The following CCDC175 variants were observed in gnomAD, a reference collection of about 807,000 sequenced individuals.
The protein encoded by CCDC175 is coiled-coil domain containing 175.
In CCDC175, 100 loss-of-function variants were observed where a neutral mutation model predicts 114.6. The ratio of observed to expected loss-of-function variants is 0.87; its 90% CI spans 0.74 to 1.03. The LOEUF (loss-of-function observed/expected upper bound fraction) is 1.03, where lower values mean the gene tolerates loss of function less well. Among genes scored for constraint, CCDC175 ranks in the 50% least tolerant of loss-of-function variants. The pLI is 0.00. For synonymous variants in CCDC175, 306 were observed against 308.7 expected, an observed-to-expected ratio of 0.99 and a Z score of 0.09; for missense variants, 880 against 917.8, an observed-to-expected ratio of 0.96 and a Z score of 0.53.
intron 10 of CCDC175, among the ~76,000 whole-genome samples, chr14:59,541,069 C>A (rs889702620): frequency 6.6e-6 from 1 of 151,946 alleles, no homozygotes; most frequent in African/African-American, 2.4e-5. Context: ...TGCAATCTTA[C>A]CAAGGAAAGG....
In CCDC175 at chr14:59,505,102, C is replaced by A; in HGVS notation, c.*137G>T. ...TTGTTTAGAAGTTTATTTACTGATA[C>A]TTGGTGGAGGTTGTGTGAATTAGTT... On this transcript the variant is annotated 3_prime_UTR_variant, in exon 20 of 20. Transcript: ENST00000537690. 2.2e-6 allele frequency: 1 copy of A among 445,406 alleles called. No homozygotes were observed. Among genetic ancestry groups the A allele is most frequent in the Non-Finnish European group, 4.0e-6 (1 of 249,806 alleles). 27.6% of individuals were successfully genotyped at this position (445,406 alleles called of 1,614,324 possible). A position where few individuals can be genotyped will look rare whatever the true frequency, so the allele number is the denominator to read the frequency against.
chr14:59,566,907 A>C (rs934608986), intron 4 of CCDC175, among the ~76,000 whole-genome samples: 1 of 152,222 alleles, frequency 6.6e-6, no homozygotes, highest in African/African-American at 2.4e-5. Context: ...TGTCTAGAGC[A>C]GTGGTTCTCC....
intron 1 of CCDC175, 137 bp from the exon 2 acceptor site, chr14:59,575,165 A>G (rs1897039077): frequency 1.9e-6 from 1 of 523,412 alleles, no homozygotes; most frequent in Non-Finnish European, 3.4e-6. Context: ...ACATTACACT[A>G]ATCTCTTTTG....
chr14:59,540,334 T>G (rs556722435), intron 11 of CCDC175, among the ~76,000 whole-genome samples: 1 of 152,234 alleles, frequency 6.6e-6, no homozygotes, highest in South Asian at 2.1e-4. Flanking sequence ...GCAGAGCCAG[T>G]AGCCTTCACG....
intron 8 of CCDC175, among the ~76,000 whole-genome samples, chr14:59,545,943 T>C (rs888734443): frequency 1.2e-4 from 18 of 152,172 alleles, no homozygotes; most frequent in African/African-American, 3.6e-4. Context: ...GAATTACTAT[T>C]CAACCCAGCA....
chr14:59,541,438 T>A (rs754885036), intron 10 of CCDC175, among the ~76,000 whole-genome samples: 100 of 152,178 alleles, frequency 6.6e-4, no homozygotes, highest in Middle Eastern at 3.2e-3. Context: ...TGGACAGAAA[T>A]GAATTGAAAG....
At chr14:59,515,145 C>A (rs542274351) in intron 17 of CCDC175, among the ~76,000 whole-genome samples, 25 of 152,240 alleles carry the variant, frequency 1.6e-4, no homozygotes, top group Non-Finnish European at 3.1e-4. Flanking sequence ...CAGGCCTGCC[C>A]TACAAGAGCT....
chr14:59,534,388 AAG>A lies in CCDC175; in HGVS notation c.1624-2480_1624-2479del, dbSNP rs572467971. Among the ~76,000 whole-genome samples the A allele has an allele frequency of 1.9e-4, 29 of 152,314 alleles. 1 individual carries two copies. The South Asian group carries it at 5.8e-3, about 30-fold the overall frequency. ...TCTCCCTGAAGGTGGAGCGTTGGAA[AAG>A]AGAGACCAATGCAGATTCCAGTCCA... On this transcript the variant is annotated intron_variant, in intron 13 of 19. Coordinates refer to ENST00000537690, the MANE Select transcript of CCDC175 (RefSeq NM_001164399.2).
In CCDC175 at chr14:59,549,503, T is replaced by C. The variant is rs139515095; in HGVS notation, c.1035+1852A>G. 6.3e-3 allele frequency among the ~76,000 whole-genome samples: 954 copies of C among 151,962 alleles called. 9 individuals are homozygous for C. Among genetic ancestry groups the C allele is most frequent in the African/African-American group, 0.022 (898 of 41,456 alleles). ...ATTCCAGCCTGGTGGGTGGATCATT[T>C]CAGGTCAGGAGTTGGAGACCAGCCT... is the stretch of plus-strand genomic sequence containing the variant. On this transcript the variant is annotated intron_variant, in intron 8 of 19. Coordinates refer to ENST00000537690, the MANE Select transcript of CCDC175 (RefSeq NM_001164399.2).
intron 15 of CCDC175, among the ~76,000 whole-genome samples, chr14:59,526,539 G>C (rs1042618322): frequency 1.4e-5 from 2 of 145,960 alleles, no homozygotes; most frequent in African/African-American, 5.2e-5. Flanking sequence ...CTGGGCAACA[G>C]AGTGAGACTC....
chr14:59,511,735 G>T, intron 18 of CCDC175, 25 bp downstream of exon 18: 1 of 1,526,418 alleles, frequency 6.6e-7, no homozygotes, highest in South Asian at 1.2e-5. Context: ...TTTATATGGA[G>T]GCAACAGACA....
chr14:59,515,142 G>A (rs571980409), intron 17 of CCDC175, among the ~76,000 whole-genome samples: 2 of 152,284 alleles, frequency 1.3e-5, no homozygotes, highest in South Asian at 4.2e-4. Flanking sequence ...CACCAGGCCT[G>A]CCCTACAAGA....
chr14:59,566,108 A>G (rs1896524753), intron 4 of CCDC175, among the ~76,000 whole-genome samples: 1 of 152,180 alleles, frequency 6.6e-6, no homozygotes, highest in South Asian at 2.1e-4. Context: ...TTACTGTTTG[A>G]AGGATGCCTG....
chr14:59,517,119 G>A (rs370843373), intron 17 of CCDC175, among the ~76,000 whole-genome samples: 5 of 152,114 alleles, frequency 3.3e-5, no homozygotes, highest in African/African-American at 7.2e-5. Flanking sequence ...AAATTCAACA[G>A]CCCTTCATGC....
At chr14:59,575,505 C>CTTTTTTT (rs58872671) in intron 1 of CCDC175, among the ~76,000 whole-genome samples, 1 of 98,414 alleles carries the variant, frequency 1.0e-5, no homozygotes, top group Non-Finnish European at 2.0e-5. Flanking sequence ...GGTAACATTC[C>CTTTTTTT]TTTTTTTTTT....
intron 14 of CCDC175, 31 bp from the exon 15 acceptor site, chr14:59,527,205 C>G (rs553397209): frequency 8.7e-7 from 1 of 1,151,212 alleles, no homozygotes; most frequent in Non-Finnish European, 1.2e-6. Flanking sequence ...ATAACTACCT[C>G]AAAAATTTAG....
intron 17 of CCDC175, among the ~76,000 whole-genome samples, chr14:59,517,827 GTT>G (rs1893192633): frequency 6.6e-6 from 1 of 152,172 alleles, no homozygotes; most frequent in African/African-American, 2.4e-5. Flanking sequence ...CTACTTTAAA[GTT>G]CATATGGAAC....
chr14:59,518,851 A>G (rs1170369020), intron 17 of CCDC175, among the ~76,000 whole-genome samples: 2 of 152,216 alleles, frequency 1.3e-5, no homozygotes, highest in Non-Finnish European at 2.9e-5. Flanking sequence ...TCATGCTGCT[A>G]TAAAGACACA....
chr14:59,527,433 T>G (rs1316846044), intron 14 of CCDC175, among the ~76,000 whole-genome samples: 1 of 152,126 alleles, frequency 6.6e-6, no homozygotes, highest in Non-Finnish European at 1.5e-5. Context: ...TGATTTATCA[T>G]TTTCAGGCAT....
Sources: gnomAD v4.1 joint callset for allele counts (sites outside exome capture counted in the v4.1 genomes callset) on GRCh38, gnomAD v4.1.1 for gene constraint, MANE v1.5 for transcripts, NCBI Gene and HGNC (gene_info 2026-07-23, HGNC 2026-07-21) for gene names.